DNAH5: variants seen among roughly 807,000 people sequenced by gnomAD.
The protein encoded by DNAH5 is dynein axonemal heavy chain 5, also known as axonemal beta dynein heavy chain 5.
Under a neutral mutation model 518.2 loss-of-function variants are expected in DNAH5, and 372 were observed. The ratio of observed to expected loss-of-function variants is 0.72; its 90% CI spans 0.66 to 0.78. The LOEUF (loss-of-function observed/expected upper bound fraction) is 0.78, where lower values mean the gene tolerates loss of function less well. Among genes scored for constraint, DNAH5 ranks in the 30% least tolerant of loss-of-function variants. The pLI, the probability that DNAH5 is intolerant of heterozygous loss-of-function variation, is 0.00. For synonymous variants in DNAH5, 2,039 were observed against 2,025.9 expected, an observed-to-expected ratio of 1.01 and a Z score of -0.17; for missense variants, 5,523 against 5,687.0, an observed-to-expected ratio of 0.97 and a Z score of 0.93.
At chr5:13,762,693 C>T in intron 60 of DNAH5, 29 bp downstream of exon 60, 2 of 1,610,718 alleles carry the variant, frequency 1.2e-6, no homozygotes, top group African/African-American at 1.3e-5. Flanking sequence ...GCCCAGCCAC[C>T]TTCACCCAGG....
In DNAH5 at chr5:13,707,842, C is replaced by A. The variant is rs1743000264; in HGVS notation, c.13338+281G>T. On this transcript the variant is annotated intron_variant, in intron 76 of 78. Transcript: ENST00000265104. The surrounding 1 kb of genome is among the most constrained non-coding windows in gnomAD (Gnocchi z 4.0). ...TAATCTGAGAAAAGACTTAACCTGT[C>A]CCAAACTTAAGTTTCTCATCTGTAA... Among the ~76,000 whole-genome samples, 1 of 152,014 alleles carries A rather than the reference C, an allele frequency of 6.6e-6. No homozygotes were observed. Among genetic ancestry groups the A allele is most frequent in the South Asian group, 2.1e-4 (1 of 4,824 alleles).
At position 14,003,014 on chromosome 5, in the gene DNAH5, C is replaced by T. The variant is rs570806574; in HGVS notation, c.12+8634G>A. ...CAAAAGAATGTACAACTTAAAGTTC[C>T]AGTTGATACAGCCCCTGGATGCTTT... On this transcript the variant is annotated intron_variant, in intron 1 of 78. Transcript: ENST00000681290. 5.3e-5 allele frequency among the ~76,000 whole-genome samples: 8 copies of T among 152,172 alleles called. No individual in the cohort carries two copies. The East Asian group carries it at 1.4e-3, about 26-fold the overall frequency.
intron 76 of DNAH5, among the ~76,000 whole-genome samples, chr5:13,704,243 G>T (rs1380238427): frequency 6.6e-6 from 1 of 152,162 alleles, no homozygotes; most frequent in Non-Finnish European, 1.5e-5. Flanking sequence ...AGCCCCTTCT[G>T]CTTTTATTAC....
chr5:13,861,647 T>G (rs1380801954), intron 29 of DNAH5, among the ~76,000 whole-genome samples: 1 of 152,130 alleles, frequency 6.6e-6, no homozygotes, highest in Non-Finnish European at 1.5e-5. Context: ...CACTATGCAT[T>G]ATATACATGT....
At chr5:13,918,684 G>T (rs942824708) in intron 7 of DNAH5, among the ~76,000 whole-genome samples, 2 of 152,120 alleles carry the variant, frequency 1.3e-5, no homozygotes, top group South Asian at 4.1e-4. Context: ...TGGCCAGGCT[G>T]GTCTCAAACT....
intron 65 of DNAH5, among the ~76,000 whole-genome samples, chr5:13,740,155 T>C (rs1379491082): frequency 6.6e-6 from 1 of 152,156 alleles, no homozygotes. Context: ...GCAAGTTCTA[T>C]GACCTCCACT....
At chr5:13,889,697 T>C (rs1243549218) in intron 17 of DNAH5, among the ~76,000 whole-genome samples, 2 of 151,910 alleles carry the variant, frequency 1.3e-5, no homozygotes, top group Non-Finnish European at 2.9e-5. Flanking sequence ...GGGCCCTGAG[T>C]CTCTAATAGG....
At chr5:13,873,297 T>C (rs1770403835) in intron 22 of DNAH5, among the ~76,000 whole-genome samples, 3 of 152,208 alleles carry the variant, frequency 2.0e-5, no homozygotes, top group South Asian at 2.1e-4. Context: ...GTAATTACTA[T>C]AGTGTTATTA....
In DNAH5 at chr5:13,981,340, C is replaced by A. The variant is rs536953040; in HGVS notation, c.12+30308G>T. Among the ~76,000 whole-genome samples, 99 of 152,278 alleles carry A rather than the reference C, an allele frequency of 6.5e-4. 3 individuals are homozygous for A. The South Asian group carries it at 0.019, about 30-fold the overall frequency. ...TTTAAGGTCACATATGTGTCTTGTT[C>A]ACACTTGTGCCCCAGCACCCAGCAC... On this transcript the variant is annotated intron_variant, in intron 1 of 78. Coordinates refer to the DNAH5 transcript ENST00000681290.
chr5:13,843,843 T>G (rs748988256), intron 32 of DNAH5, among the ~76,000 whole-genome samples: 1 of 152,260 alleles, frequency 6.6e-6, no homozygotes, highest in Non-Finnish European at 1.5e-5. Context: ...CTGATGGGCA[T>G]TCTCACGTTC....
chr5:14,009,551 A>T (rs548333361), intron 1 of DNAH5, among the ~76,000 whole-genome samples: 28 of 152,350 alleles, frequency 1.8e-4, no homozygotes, highest in African/African-American at 6.3e-4. Context: ...TGCATAATCA[A>T]TTATTAGGGC....
At chr5:13,775,817 C>T (rs1754008037) in intron 55 of DNAH5, among the ~76,000 whole-genome samples, 1 of 152,124 alleles carries the variant, frequency 6.6e-6, no homozygotes, top group South Asian at 2.1e-4. Context: ...TAAGGTATTA[C>T]TGGAAAATAA....
chr5:13,963,872 T>C (rs955217231), intron 1 of DNAH5, among the ~76,000 whole-genome samples: 2 of 152,144 alleles, frequency 1.3e-5, no homozygotes, highest in African/African-American at 4.8e-5. Flanking sequence ...TGTTTTTTTG[T>C]AGAGACGTGA....
At chr5:13,959,182 A>T (rs185713381) in intron 1 of DNAH5, among the ~76,000 whole-genome samples, 13 of 152,308 alleles carry the variant, frequency 8.5e-5, no homozygotes, top group African/African-American at 3.1e-4. Flanking sequence ...CCTAACCTCC[A>T]GTGGTCAGCC....
At chr5:13,892,213 T>A (rs1773340356) in intron 16 of DNAH5, among the ~76,000 whole-genome samples, 1 of 152,256 alleles carries the variant, frequency 6.6e-6, no homozygotes, top group Non-Finnish European at 1.5e-5. Flanking sequence ...CACTTAAGTA[T>A]GTGTGAGCAA....
chr5:13,695,134 A>T (rs2126359620), intron 78 of DNAH5, among the ~76,000 whole-genome samples: 1 of 152,366 alleles, frequency 6.6e-6, no homozygotes, highest in Middle Eastern at 3.4e-3. Flanking sequence ...CATGAAAATG[A>T]AATGGACAGA....
chr5:13,982,306 C>T (rs191893833), intron 1 of DNAH5, among the ~76,000 whole-genome samples: 31 of 152,390 alleles, frequency 2.0e-4, no homozygotes, highest in Admixed American at 1.6e-3. Context: ...TCATCCTACC[C>T]CATTGCTCAG....
intron 12 of DNAH5, among the ~76,000 whole-genome samples, chr5:13,903,655 A>C (rs969279193): frequency 6.6e-6 from 1 of 152,112 alleles, no homozygotes; most frequent in Non-Finnish European, 1.5e-5. Context: ...TAACTATTTG[A>C]TAGCAAATAC....
At chr5:13,873,639 G>T (rs1430803284) in intron 22 of DNAH5, among the ~76,000 whole-genome samples, 1 of 151,382 alleles carries the variant, frequency 6.6e-6, no homozygotes, top group African/African-American at 2.4e-5. Flanking sequence ...TTAAAATTTT[G>T]TCTTTTTTTA....
Sources: gnomAD v4.1 joint callset for allele counts (sites outside exome capture counted in the v4.1 genomes callset) on GRCh38, gnomAD v4.1.1 for gene constraint, Gnocchi (gnomAD v3.1) non-coding constraint, MANE v1.5 for transcripts, NCBI Gene and HGNC (gene_info 2026-07-23, HGNC 2026-07-21) for gene names.